ERC1: variants seen among roughly 807,000 people sequenced by gnomAD.
The protein encoded by ERC1 is RAB6 interacting protein 2.
Under a neutral mutation model 132.0 loss-of-function variants are expected in ERC1, and 56 were observed. That is an observed-to-expected ratio of 0.42 (90% CI 0.34 to 0.53). The LOEUF is 0.53. Ranked by LOEUF, ERC1 falls within the 20% of genes least tolerant of loss-of-function variation. The pLI, the probability that ERC1 is intolerant of heterozygous loss-of-function variation, is 0.03. For synonymous variants in ERC1, 478 were observed against 476.1 expected (o/e 1.00, Z -0.05); for missense variants, 1,202 against 1,349.9 (o/e 0.89, Z 1.72).
intron 7 of ERC1, among the ~76,000 whole-genome samples, chr12:1,125,435 A>G (rs1403564415): frequency 6.6e-6 from 1 of 152,200 alleles, no homozygotes; most frequent in African/African-American, 2.4e-5. Context: ...AAGATACTCC[A>G]TGTCAATAGA....
chr12:1,342,304 A>T (rs2154362791), intron 15 of ERC1, among the ~76,000 whole-genome samples: 1 of 151,708 alleles, frequency 6.6e-6, no homozygotes, highest in Admixed American at 6.6e-5. Flanking sequence ...GTCTCTACTA[A>T]AAAAATACAA....
intron 7 of ERC1, among the ~76,000 whole-genome samples, chr12:1,135,510 A>G (rs1341080067): frequency 1.3e-5 from 2 of 152,156 alleles, no homozygotes; most frequent in South Asian, 2.1e-4. Context: ...ATCTGTGTCT[A>G]CCTGGTACTC....
At position 1,218,912 on chromosome 12, in the gene ERC1, G is replaced by A. The variant is rs923088703; in HGVS notation, c.2352-17857G>A. Among the ~76,000 whole-genome samples, 11 of 150,438 alleles carry A rather than the reference G, an allele frequency of 7.3e-5. No individual in the cohort carries two copies. The South Asian group carries it at 8.4e-4, about 12-fold the overall frequency. On this transcript the variant is annotated intron_variant, in intron 12 of 18. Coordinates refer to ENST00000360905, the MANE Select transcript of ERC1 (RefSeq NM_178040.4). ...TTTTGAGATGGAGTCTCACTCTGTC[G>A]CCCAGGCTGGAGGGTAATGGTGCCA...
chr12:1,372,766 C>T (rs1201016165), intron 16 of ERC1, among the ~76,000 whole-genome samples: 1 of 152,210 alleles, frequency 6.6e-6, no homozygotes, highest in Non-Finnish European at 1.5e-5. Flanking sequence ...GTTGTCTGTA[C>T]ATTTTGGCTG....
At position 1,437,047 on chromosome 12, in the gene ERC1, G is replaced by A. The variant is rs375225278; in HGVS notation, c.3025-7515G>A. ...ACACAATGAGTGATTTGTGTGGGGA[G>A]CCAAGCCTCAAGCCAAGAACTGAAT... On this transcript the variant is annotated intron_variant, in intron 17 of 18. Coordinates refer to ENST00000360905, the MANE Select transcript of ERC1 (RefSeq NM_178040.4). Among the ~76,000 whole-genome samples, 414 of 152,270 alleles carry A rather than the reference G, an allele frequency of 2.7e-3. 21 individuals carry two copies. In the South Asian group the frequency reaches 0.081, roughly 30 times the overall value.
chr12:1,494,442 C>T lies in ERC1; in HGVS notation c.*4212C>T, dbSNP rs184480218. 63 of 232,048 alleles carry T rather than the reference C, an allele frequency of 2.7e-4. No individual in the cohort carries two copies. The highest frequency in any genetic ancestry group is 1.3e-3 in the African/African-American group (61 of 45,346). 14.4% of individuals were successfully genotyped at this position (232,048 alleles called of 1,614,324 possible). A position where few individuals can be genotyped will look rare whatever the true frequency, so the allele number is the denominator to read the frequency against. ...CTTCTGAACAAAATGGCTGTCTTCACCTACTCTTCTTGCAAGAAAAGACAT... is the reference window on the plus strand; with the variant it reads ...CTTCTGAACAAAATGGCTGTCTTCATCTACTCTTCTTGCAAGAAAAGACAT... On this transcript the variant is annotated 3_prime_UTR_variant, in exon 19 of 19. Coordinates refer to ENST00000360905, the MANE Select transcript of ERC1 (RefSeq NM_178040.4).
intron 1 of ERC1, among the ~76,000 whole-genome samples, chr12:1,021,131 G>A: frequency 6.6e-6 from 1 of 151,962 alleles, no homozygotes; most frequent in East Asian, 2.0e-4. Context: ...AGTAGAGACG[G>A]GGTTTCACCA....
chr12:1,355,146 T>C (rs1441586791), intron 15 of ERC1, among the ~76,000 whole-genome samples: 1 of 152,152 alleles, frequency 6.6e-6, no homozygotes, highest in Non-Finnish European at 1.5e-5. Context: ...GTCACACTAC[T>C]CAAATCTCTT....
At position 1,438,619 on chromosome 12, in the gene ERC1, G is replaced by T. The variant is rs1457309986; in HGVS notation, c.3025-5943G>T. 2.0e-5 allele frequency among the ~76,000 whole-genome samples: 3 copies of T among 152,092 alleles called. No homozygotes were observed. In the East Asian group the frequency reaches 5.8e-4, roughly 29 times the overall value. On this transcript the variant is annotated intron_variant, in intron 17 of 18. Coordinates refer to ENST00000360905, the MANE Select transcript of ERC1 (RefSeq NM_178040.4). Reference sequence around the variant, plus strand: ...AAATAATTTGCCAGGAAGACAATAAGTCATCAATAAATGTTAGCTTTAAAA... The same window carrying T: ...AAATAATTTGCCAGGAAGACAATAATTCATCAATAAATGTTAGCTTTAAAA...
At chr12:1,411,477 G>A (rs960382571) in intron 17 of ERC1, among the ~76,000 whole-genome samples, 7 of 151,908 alleles carry the variant, frequency 4.6e-5, no homozygotes, top group African/African-American at 1.7e-4. Context: ...GTGGAAAGGG[G>A]CCATGCGCTG....
chr12:1,149,102 C>T (rs1210221198), intron 8 of ERC1, among the ~76,000 whole-genome samples: 8 of 151,764 alleles, frequency 5.3e-5, no homozygotes, highest in Admixed American at 1.3e-4. Context: ...AAATGAATAC[C>T]GTAGGTTTAG....
In ERC1 at chr12:1,457,493, C is replaced by T. The variant is rs145178052; in HGVS notation, c.3213+12743C>T. Among the ~76,000 whole-genome samples the T allele has an allele frequency of 3.7e-3, 560 of 152,064 alleles. 5 individuals are homozygous for T. The highest frequency in any genetic ancestry group is 0.013 in the African/African-American group (528 of 41,456). On this transcript the variant is annotated intron_variant, in intron 18 of 18. Transcript: ENST00000360905. ...AGGCCAAAGTTCATCTCATAAAAAC[C>T]GTTTTCTAGGAGACCGTAAATATTG...
intron 1 of ERC1, among the ~76,000 whole-genome samples, chr12:1,004,656 T>C (rs539671874): frequency 2.6e-5 from 4 of 151,844 alleles, no homozygotes; most frequent in South Asian, 4.2e-4. Context: ...CCAACCGCCT[T>C]GGCCCCCCAA....
intron 15 of ERC1, among the ~76,000 whole-genome samples, chr12:1,321,905 G>A (rs1045210657): frequency 6.6e-6 from 1 of 152,146 alleles, no homozygotes; most frequent in African/African-American, 2.4e-5. Context: ...GGGGATCAAT[G>A]CATTACATCT....
chr12:1,313,512 C>T, intron 15 of ERC1, among the ~76,000 whole-genome samples: 1 of 151,974 alleles, frequency 6.6e-6, no homozygotes, highest in African/African-American at 2.4e-5. Context: ...CCTAGATAGA[C>T]TTACAAGGCT....
chr12:1,015,923 T>C (rs1306749621), intron 1 of ERC1, among the ~76,000 whole-genome samples: 2 of 152,054 alleles, frequency 1.3e-5, no homozygotes, highest in African/African-American at 4.8e-5. Context: ...TACATCAGGT[T>C]GGACTAGTAA....
Position 1,444,559 on chromosome 12 carries a change from T to C in ERC1, c.3025-3T>C. On this transcript the variant is annotated splice_region_variant and splice_polypyrimidine_tract_variant and intron_variant, in intron 17 of 18. Coordinates refer to ENST00000360905, the MANE Select transcript of ERC1 (RefSeq NM_178040.4). ...TTTATTTTATTTTATTTTTTTGCCT[T>C]AGATCATCCAGCCCCTCTTAGAACT... 6.3e-7 allele frequency: 1 copy of C among 1,593,706 alleles called. No individual in the cohort carries two copies. Among genetic ancestry groups the C allele is most frequent in the Non-Finnish European group, 8.6e-7 (1 of 1,169,292 alleles).
rs531639083 is a variant in ERC1 at position 1,234,284 on chromosome 12, G to C, written c.2352-2485G>C. Among the ~76,000 whole-genome samples, 11 of 152,250 alleles carry C rather than the reference G, an allele frequency of 7.2e-5. No individual in the cohort carries two copies. In the East Asian group the frequency reaches 1.5e-3, roughly 21 times the overall value. On this transcript the variant is annotated intron_variant, in intron 12 of 18. Transcript: ENST00000360905. Reference sequence around the variant, plus strand: ...AATATGATACTCTCTTGTGATGCTGGACAGTGGCAGTGAGCCACAGATCCC... The same window carrying C: ...AATATGATACTCTCTTGTGATGCTGCACAGTGGCAGTGAGCCACAGATCCC...
chr12:1,307,075 T>C (rs1249574234), intron 15 of ERC1, among the ~76,000 whole-genome samples: 3 of 152,224 alleles, frequency 2.0e-5, no homozygotes, highest in Non-Finnish European at 4.4e-5. Flanking sequence ...CTCATCTCTT[T>C]GATCGCTAAG....
Sources: gnomAD v4.1 joint callset for allele counts (sites outside exome capture counted in the v4.1 genomes callset) on GRCh38, gnomAD v4.1.1 for gene constraint, MANE v1.5 for transcripts, NCBI Gene and HGNC (gene_info 2026-07-23, HGNC 2026-07-21) for gene names.